Variants in IQCH observed in about 807,000 individuals in gnomAD.
IQCH encodes the protein IQ motif containing H, also known as IQ domain-containing protein H.
In IQCH, 98 loss-of-function variants were observed where a neutral mutation model predicts 117.0. That is an observed-to-expected ratio of 0.84 (90% CI 0.71 to 0.99). IQCH has a LOEUF of 0.99. IQCH is among the 50% of genes least tolerant of loss of function. The probability of loss-of-function intolerance (pLI) is 0.00; values close to 1 mark genes in which losing one functional copy is unlikely to be tolerated. For missense variants in IQCH, 1,102 were observed against 1,243.8 expected, an observed-to-expected ratio of 0.89 and a Z score of 1.72; for synonymous variants, 412 against 448.2, an observed-to-expected ratio of 0.92 and a Z score of 1.02.
chr15:67,328,985 A>C (rs1465689034), intron 4 of IQCH, among the ~76,000 whole-genome samples: 2 of 152,114 alleles, frequency 1.3e-5, no homozygotes, highest in Admixed American at 1.3e-4. Context: ...ATAACAATTG[A>C]TCACTTGTGC....
intron 3 of IQCH, among the ~76,000 whole-genome samples, chr15:67,271,071 C>T (rs1449924677): frequency 2.0e-5 from 3 of 152,274 alleles, no homozygotes; most frequent in East Asian, 1.9e-4. Flanking sequence ...TGGATTCAAG[C>T]AATTCTCCTG....
chr15:67,279,305 G>A (rs1596085552), intron 3 of IQCH, 90 bp from the exon 4 acceptor site: 1 of 685,232 alleles, frequency 1.5e-6, no homozygotes, highest in Non-Finnish European at 2.6e-6. Flanking sequence ...TAAAATATAA[G>A]CTTAATTAGG....
At chr15:67,268,509 G>A (rs1375435645) in intron 3 of IQCH, among the ~76,000 whole-genome samples, 1 of 152,168 alleles carries the variant, frequency 6.6e-6, no homozygotes, top group Non-Finnish European at 1.5e-5. Flanking sequence ...CTGGGAGGGT[G>A]ACTGCCATCT....
At chr15:67,462,367 G>T (rs1277782060) in intron 16 of IQCH, among the ~76,000 whole-genome samples, 4 of 151,136 alleles carry the variant, frequency 2.6e-5, no homozygotes, top group Non-Finnish European at 5.9e-5. Flanking sequence ...GGCAGAGGTT[G>T]CAGTGAGCCA....
intron 3 of IQCH, among the ~76,000 whole-genome samples, chr15:67,269,469 C>T (rs147989720): frequency 2.0e-5 from 3 of 152,270 alleles, no homozygotes; most frequent in Non-Finnish European, 4.4e-5. Context: ...ACCTTAAATA[C>T]TTATTTTTTC....
At chr15:67,340,459 A>C (rs1200123943) in intron 5 of IQCH, among the ~76,000 whole-genome samples, 1 of 132,528 alleles carries the variant, frequency 7.5e-6, no homozygotes, top group Non-Finnish European at 1.7e-5. Flanking sequence ...AAAAAAAAAA[A>C]AAAAACAGTA....
At chr15:67,274,053 T>C (rs1245246055) in intron 3 of IQCH, among the ~76,000 whole-genome samples, 2 of 152,226 alleles carry the variant, frequency 1.3e-5, no homozygotes, top group Non-Finnish European at 2.9e-5. Flanking sequence ...AGAGCTCCTT[T>C]ATGTGCTATT....
intron 4 of IQCH, among the ~76,000 whole-genome samples, chr15:67,280,263 A>G (rs1966297686): frequency 6.6e-6 from 1 of 152,240 alleles, no homozygotes; most frequent in South Asian, 2.1e-4. Context: ...ATTTTTTAAC[A>G]GAGCCAGGTG....
Position 67,356,745 on chromosome 15 carries a change from A to T in IQCH, c.638-600A>T, listed in dbSNP as rs1284188407. ...GTAAAGGGCAGTCAGGTTTGCTGCT[A>T]GGCAGTAGGAGAGATGTGATTGAGA... On this transcript the variant is annotated intron_variant, in intron 6 of 20. Transcript: ENST00000335894. The surrounding 1 kb of genome is among the most constrained non-coding windows in gnomAD (Gnocchi z 5.3). 6.6e-6 allele frequency among the ~76,000 whole-genome samples: 1 copy of T among 152,172 alleles called. No individual in the cohort carries two copies. Among genetic ancestry groups the T allele is most frequent in the African/African-American group, 2.4e-5 (1 of 41,440 alleles).
At chr15:67,419,918 T>C (rs1289094123) in intron 15 of IQCH, among the ~76,000 whole-genome samples, 6 of 152,260 alleles carry the variant, frequency 3.9e-5, no homozygotes. Context: ...TTATGAATGA[T>C]AGTGTGTTTC....
intron 1 of IQCH, among the ~76,000 whole-genome samples, chr15:67,258,234 CA>C (rs550150022): frequency 7.3e-3 from 580 of 79,256 alleles, no homozygotes; most frequent in Non-Finnish European, 7.4e-3. Context: ...GACTCTGTGT[CA>C]AAAAAAAAAA....
At chr15:67,271,122 CCGTGCCCGG>C (rs1965881482) in intron 3 of IQCH, among the ~76,000 whole-genome samples, 1 of 152,160 alleles carries the variant, frequency 6.6e-6, no homozygotes, top group Admixed American at 6.5e-5. Flanking sequence ...GCACACACCA[CCGTGCCCGG>C]CTAATTTTTT....
At chr15:67,492,957 C>T (rs1211172386) in intron 19 of IQCH, among the ~76,000 whole-genome samples, 1 of 152,122 alleles carries the variant, frequency 6.6e-6, no homozygotes, top group Non-Finnish European at 1.5e-5. Context: ...AGACTGGTAA[C>T]CAAGAGGAAC....
chr15:67,363,060 A>T (rs1340695522), intron 8 of IQCH, among the ~76,000 whole-genome samples: 1 of 152,332 alleles, frequency 6.6e-6, no homozygotes, highest in East Asian at 1.9e-4. Flanking sequence ...GAGATACAAA[A>T]CAAGATTCAA....
chr15:67,303,450 A>T (rs1041600825), intron 4 of IQCH, among the ~76,000 whole-genome samples: 2 of 152,200 alleles, frequency 1.3e-5, no homozygotes, highest in Non-Finnish European at 2.9e-5. Flanking sequence ...TACAATTTTT[A>T]AAATCACAAA....
chr15:67,304,144 TAC>T (rs1263268711), intron 4 of IQCH, among the ~76,000 whole-genome samples: 1 of 152,206 alleles, frequency 6.6e-6, no homozygotes, highest in Admixed American at 6.5e-5. Flanking sequence ...GAGGAAAATC[TAC>T]ACAAAGTTCC....
chr15:67,304,335 T>G (rs956391333), intron 4 of IQCH: 2 of 1,468,402 alleles, frequency 1.4e-6, no homozygotes, highest in African/African-American at 2.8e-5. Flanking sequence ...TTTCTTTGTT[T>G]CAGCGAAAGA....
chr15:67,450,231 T>C (rs888382017), intron 16 of IQCH, among the ~76,000 whole-genome samples: 4 of 152,174 alleles, frequency 2.6e-5, no homozygotes, highest in African/African-American at 7.2e-5. Context: ...TCCTGCCTGA[T>C]TGCCCTGGCC....
rs200254535 is a variant in IQCH at position 67,441,122 on chromosome 15, C to CAA, written c.2505+19575_2505+19576dup. Among the ~76,000 whole-genome samples, 523 of 53,838 alleles carry CAA rather than the reference C, an allele frequency of 9.7e-3. 57 individuals carry two copies. Among genetic ancestry groups the CAA allele is most frequent in the Non-Finnish European group, 0.012 (339 of 27,176 alleles). The allele number at this position is 53,838 out of a possible 152,430, so 35.3% of individuals were successfully genotyped here. A position where few individuals can be genotyped will look rare whatever the true frequency, so the allele number is the denominator to read the frequency against. ...AACTCAACTCCTTTTGCAATAGCTG[C>CAA]AAAAAAAAAAAAAAAAAAAAAAAAA... is the stretch of plus-strand genomic sequence containing the variant. On this transcript the variant is annotated intron_variant, in intron 16 of 20. Transcript: ENST00000335894.
Sources: allele counts gnomAD v4.1 joint callset (sites outside exome capture counted in the v4.1 genomes callset), GRCh38; gene constraint gnomAD v4.1.1; non-coding constraint Gnocchi (gnomAD v3.1); transcripts MANE v1.5; gene names NCBI Gene and HGNC (gene_info 2026-07-23, HGNC 2026-07-21).